Variants in TTC28 observed in about 807,000 individuals in gnomAD.
TTC28 encodes the protein tetratricopeptide repeat domain 28, also known as tetratricopeptide repeat protein 28.
In TTC28, 61 loss-of-function variants were observed where a neutral mutation model predicts 198.0. The observed-to-expected ratio is 0.31, with a 90% CI of 0.25 to 0.38. The LOEUF (loss-of-function observed/expected upper bound fraction) is 0.38, where lower values mean the gene tolerates loss of function less well. Among genes scored for constraint, TTC28 ranks in the 10% least tolerant of loss-of-function variants. The pLI, the probability that TTC28 is intolerant of heterozygous loss-of-function variation, is 1.00. For synonymous variants in TTC28, 1,171 were observed against 1,297.8 expected, an observed-to-expected ratio of 0.90 and a Z score of 2.10; for missense variants, 2,678 against 3,164.0, an observed-to-expected ratio of 0.85 and a Z score of 3.69.
intron 2 of TTC28, among the ~76,000 whole-genome samples, chr22:28,508,997 C>A (rs2048650519): frequency 6.6e-6 from 1 of 151,980 alleles, no homozygotes; most frequent in Admixed American, 6.6e-5. Flanking sequence ...TCGAGACCAG[C>A]CTAGCCAACA....
At chr22:28,523,524 G>A (rs1471341174) in intron 2 of TTC28, among the ~76,000 whole-genome samples, 1 of 152,138 alleles carries the variant, frequency 6.6e-6, no homozygotes, top group African/African-American at 2.4e-5. Context: ...GCTTTCAAAG[G>A]GATGTCAAGG....
Position 27,979,854 on chromosome 22 carries a change from T to TTTTG in TTC28, c.*2363_*2366dup, listed in dbSNP as rs546106618. On this transcript the variant is annotated 3_prime_UTR_variant, in exon 23 of 23. Transcript: ENST00000397906. ...CTAGACTGTTCTATCATTTTATCAC[T>TTTTG]TTTGTTTTCCCTTCCTTGAAACTTA... 6.3e-4 allele frequency: 96 copies of TTTTG among 152,342 alleles called. No individual in the cohort carries two copies. The highest frequency in any genetic ancestry group is 2.2e-3 in the African/African-American group (90 of 41,576). The allele number at this position is 152,342 out of a possible 1,614,324, so 9.4% of individuals were successfully genotyped here.
intron 12 of TTC28, among the ~76,000 whole-genome samples, chr22:28,075,021 G>A (rs931524309): frequency 6.6e-6 from 1 of 152,152 alleles, no homozygotes; most frequent in Admixed American, 6.5e-5. Flanking sequence ...TCAGGAGGCA[G>A]AGGTTTCAGT....
At chr22:28,349,884 AG>A (rs2045965919) in intron 2 of TTC28, among the ~76,000 whole-genome samples, 2 of 152,352 alleles carry the variant, frequency 1.3e-5, no homozygotes, top group South Asian at 4.1e-4. Context: ...ACATGATCCC[AG>A]TGCACTCCTT....
At chr22:28,293,784 C>A (rs1472335381) in intron 5 of TTC28, among the ~76,000 whole-genome samples, 1 of 151,788 alleles carries the variant, frequency 6.6e-6, no homozygotes, top group East Asian at 1.9e-4. Context: ...ATAGAAGAAA[C>A]ACAGTAGGAA....
intron 6 of TTC28, among the ~76,000 whole-genome samples, chr22:28,112,755 G>A (rs767858269): frequency 1.4e-4 from 21 of 152,282 alleles, no homozygotes; most frequent in Middle Eastern, 3.4e-3. Flanking sequence ...GATTTTCCAG[G>A]GCCGTCAGTC....
intron 2 of TTC28, among the ~76,000 whole-genome samples, chr22:28,475,634 C>T (rs1012640628): frequency 6.6e-6 from 1 of 152,182 alleles, no homozygotes; most frequent in Non-Finnish European, 1.5e-5. Flanking sequence ...AAGATGTATT[C>T]TTATTTATAT....
At chr22:28,195,855 T>C (rs909094957) in intron 5 of TTC28, among the ~76,000 whole-genome samples, 24 of 151,154 alleles carry the variant, frequency 1.6e-4, no homozygotes, top group African/African-American at 5.8e-4. Flanking sequence ...AAAATGGCCA[T>C]ACTGCTCAAG....
intron 5 of TTC28, among the ~76,000 whole-genome samples, chr22:28,173,551 A>G (rs1020779364): frequency 6.6e-6 from 1 of 152,174 alleles, no homozygotes; most frequent in Admixed American, 6.5e-5. Context: ...GATATAAATT[A>G]CTCATGTTCT....
At chr22:28,672,288 C>G (rs1459955400) in intron 1 of TTC28, among the ~76,000 whole-genome samples, 3 of 152,064 alleles carry the variant, frequency 2.0e-5, no homozygotes, top group Non-Finnish European at 4.4e-5. Context: ...CTGCCTCAGC[C>G]TCTGGAGTAG....
chr22:28,083,214 TG>T (rs1361619752), intron 12 of TTC28, among the ~76,000 whole-genome samples: 2 of 152,114 alleles, frequency 1.3e-5, no homozygotes, highest in Non-Finnish European at 2.9e-5. Context: ...CAGATATAGA[TG>T]TTCATTGACA....
chr22:28,410,285 T>A (rs1403738598), intron 2 of TTC28, among the ~76,000 whole-genome samples: 2 of 152,200 alleles, frequency 1.3e-5, no homozygotes, highest in Non-Finnish European at 2.9e-5. Context: ...AATCTTTCAA[T>A]GACTTGAGGA....
At chr22:28,500,510 C>A (rs150916164) in intron 2 of TTC28, among the ~76,000 whole-genome samples, 14 of 152,178 alleles carry the variant, frequency 9.2e-5, no homozygotes, top group African/African-American at 3.4e-4. Context: ...ATACAAGGAT[C>A]CATAATTACA....
intron 5 of TTC28, among the ~76,000 whole-genome samples, chr22:28,271,115 T>C (rs1932039847): frequency 1.5e-5 from 2 of 135,584 alleles, no homozygotes; most frequent in African/African-American, 5.6e-5. Flanking sequence ...TTTTTCAGTA[T>C]TTTTTTTTTT....
At chr22:28,316,707 G>GT (rs1345717545) in intron 2 of TTC28, among the ~76,000 whole-genome samples, 1 of 151,944 alleles carries the variant, frequency 6.6e-6, no homozygotes, top group Non-Finnish European at 1.5e-5. Context: ...TGGAGCTATT[G>GT]TTTTTGAAAG....
chr22:28,590,154 G>GTC (rs2050401107), intron 2 of TTC28, among the ~76,000 whole-genome samples: 1 of 142,198 alleles, frequency 7.0e-6, no homozygotes, highest in Non-Finnish European at 1.5e-5. Flanking sequence ...TTGAGACGGA[G>GTC]TCTCTCTCTG....
At chr22:28,231,242 T>G (rs933893758) in intron 5 of TTC28, among the ~76,000 whole-genome samples, 2 of 152,224 alleles carry the variant, frequency 1.3e-5, no homozygotes, top group Admixed American at 1.3e-4. Flanking sequence ...GATAGATATG[T>G]AAACAAATGC....
At chr22:28,167,583 C>T (rs2147071339) in intron 5 of TTC28, among the ~76,000 whole-genome samples, 1 of 152,314 alleles carries the variant, frequency 6.6e-6, no homozygotes, top group African/African-American at 2.4e-5. Flanking sequence ...ATGATTATCT[C>T]AATAGATGCA....
At chr22:28,338,526 CTTTG>C (rs919618613) in intron 2 of TTC28, among the ~76,000 whole-genome samples, 12 of 152,118 alleles carry the variant, frequency 7.9e-5, no homozygotes, top group Non-Finnish European at 1.6e-4. Flanking sequence ...TTCTTGGAGG[CTTTG>C]TTTGTTTCTT....
Sources: gnomAD v4.1 joint callset for allele counts (sites outside exome capture counted in the v4.1 genomes callset) on GRCh38, gnomAD v4.1.1 for gene constraint, MANE v1.5 for transcripts, NCBI Gene and HGNC (gene_info 2026-07-23, HGNC 2026-07-21) for gene names.